TMEM132D: variants seen among roughly 807,000 people sequenced by gnomAD.
TMEM132D encodes the protein transmembrane protein 132D, also known as mature OL transmembrane protein.
TMEM132D carries 21 observed loss-of-function variants against 62.3 expected under a neutral mutation model. The observed-to-expected ratio is 0.34, with a 90% CI of 0.24 to 0.49. TMEM132D has a LOEUF of 0.49. Ranked by LOEUF, TMEM132D falls within the 20% of genes least tolerant of loss-of-function variation. The pLI is 0.99. For missense variants in TMEM132D, 1,346 were observed against 1,402.8 expected, an observed-to-expected ratio of 0.96 and a Z score of 0.65; for synonymous variants, 621 against 575.6, an observed-to-expected ratio of 1.08 and a Z score of -1.13.
intron 5 of TMEM132D, among the ~76,000 whole-genome samples, chr12:129,209,306 A>G (rs1285796495): frequency 6.6e-6 from 1 of 152,030 alleles, no homozygotes; most frequent in Non-Finnish European, 1.5e-5. Flanking sequence ...AGCCTCCCAG[A>G]CTCGGAGTCA....
At chr12:129,415,711 C>T (rs370796872) in intron 3 of TMEM132D, among the ~76,000 whole-genome samples, 2 of 152,184 alleles carry the variant, frequency 1.3e-5, no homozygotes. Context: ...TTGTCTATCT[C>T]GGTTTCCAGT....
chr12:129,216,179 T>C (rs1470456361), intron 4 of TMEM132D, among the ~76,000 whole-genome samples: 1 of 152,316 alleles, frequency 6.6e-6, no homozygotes, highest in East Asian at 1.9e-4. Flanking sequence ...AATGATGGTA[T>C]GTACCTCTTG....
At chr12:129,783,079 A>G (rs1871165526) in intron 1 of TMEM132D, among the ~76,000 whole-genome samples, 1 of 152,198 alleles carries the variant, frequency 6.6e-6, no homozygotes, top group African/African-American at 2.4e-5. Flanking sequence ...TCATAACATC[A>G]TTCTGCTTCT....
At chr12:129,176,246 C>A (rs561122750) in intron 5 of TMEM132D, among the ~76,000 whole-genome samples, 5 of 152,330 alleles carry the variant, frequency 3.3e-5, no homozygotes, top group African/African-American at 1.2e-4. Context: ...TGAGTGGTGG[C>A]AAAATCTCCC....
intron 2 of TMEM132D, among the ~76,000 whole-genome samples, chr12:129,534,037 T>C (rs534602425): frequency 6.6e-6 from 1 of 152,348 alleles, no homozygotes; most frequent in South Asian, 2.1e-4. Flanking sequence ...GTGGCACCAT[T>C]TGGAACCATT....
intron 3 of TMEM132D, among the ~76,000 whole-genome samples, chr12:129,465,257 T>C (rs189452649): frequency 6.6e-6 from 1 of 152,302 alleles, no homozygotes; most frequent in African/African-American, 2.4e-5. Context: ...CCCTTCATGC[T>C]AAAAACTCTT....
At chr12:129,613,413 T>G (rs1878829877) in intron 2 of TMEM132D, among the ~76,000 whole-genome samples, 1 of 152,146 alleles carries the variant, frequency 6.6e-6, no homozygotes, top group East Asian at 1.9e-4. Context: ...TGACAGACAC[T>G]CTCGTCTCAA....
intron 2 of TMEM132D, among the ~76,000 whole-genome samples, chr12:129,619,438 C>A (rs563272623): frequency 2.1e-4 from 32 of 152,178 alleles, no homozygotes; most frequent in African/African-American, 7.5e-4. Context: ...TGCCAATGAA[C>A]GACTTATGAC....
intron 2 of TMEM132D, among the ~76,000 whole-genome samples, chr12:129,605,327 A>G (rs1878586512): frequency 1.3e-5 from 2 of 152,036 alleles, no homozygotes; most frequent in African/African-American, 4.8e-5. Flanking sequence ...TGTCTAAAAG[A>G]TATATATACA....
intron 2 of TMEM132D, among the ~76,000 whole-genome samples, chr12:129,684,377 G>A (rs888497486): frequency 6.6e-6 from 1 of 152,098 alleles, no homozygotes; most frequent in Non-Finnish European, 1.5e-5. Flanking sequence ...GCCATCATGT[G>A]AAAGAAGACA....
At chr12:129,269,745 C>G (rs1257264314) in intron 4 of TMEM132D, among the ~76,000 whole-genome samples, 2 of 152,198 alleles carry the variant, frequency 1.3e-5, no homozygotes, top group Admixed American at 1.3e-4. Context: ...CTCCAGCTCA[C>G]TTGCATCCTG....
At chr12:129,555,869 G>A (rs975101535) in intron 2 of TMEM132D, among the ~76,000 whole-genome samples, 1 of 152,174 alleles carries the variant, frequency 6.6e-6, no homozygotes, top group Non-Finnish European at 1.5e-5. Context: ...TAAGTACAAA[G>A]ATTTTCTGAC....
chr12:129,470,383 G>A (rs1874058169), intron 3 of TMEM132D, among the ~76,000 whole-genome samples: 1 of 152,192 alleles, frequency 6.6e-6, no homozygotes, highest in Non-Finnish European at 1.5e-5. Flanking sequence ...GCCAACACGT[G>A]TAGTGTAGTT....
Position 129,321,684 on chromosome 12 carries a change from G to A in TMEM132D, c.1299+15950C>T, listed in dbSNP as rs542102653. On this transcript the variant is annotated intron_variant, in intron 4 of 8. Transcript: ENST00000422113. ...CCATTCTCCTGCTTCAGCCTCCCCC[G>A]ACTAGCTGGGACTACAGGCGCCCGC... Among the ~76,000 whole-genome samples the A allele has an allele frequency of 1.3e-3, 205 of 152,110 alleles. 2 individuals are homozygous for A. The highest frequency in any genetic ancestry group is 6.4e-3 in the South Asian group (31 of 4,822).
At chr12:129,612,192 A>G (rs61943550) in intron 2 of TMEM132D, among the ~76,000 whole-genome samples, 7,115 of 152,238 alleles carry the variant, frequency 0.047, 261 homozygotes, top group South Asian at 0.11. Context: ...AGTTCTCCCT[A>G]CACTGAGCAT....
intron 5 of TMEM132D, among the ~76,000 whole-genome samples, chr12:129,195,899 G>C (rs528161432): frequency 6.6e-6 from 1 of 152,170 alleles, no homozygotes; most frequent in Non-Finnish European, 1.5e-5. Context: ...GGCCAAGATG[G>C]GCGGGTCACT....
At chr12:129,861,049 A>G (rs565018781) in intron 1 of TMEM132D, among the ~76,000 whole-genome samples, 1 of 152,226 alleles carries the variant, frequency 6.6e-6, no homozygotes, top group Non-Finnish European at 1.5e-5. Context: ...AATTATTGGA[A>G]TCTCCTTCAC....
At chr12:129,368,588 T>A (rs1010550614) in intron 3 of TMEM132D, among the ~76,000 whole-genome samples, 4 of 152,126 alleles carry the variant, frequency 2.6e-5, no homozygotes, top group African/African-American at 9.7e-5. Flanking sequence ...TTATTATTAT[T>A]ATTTTTTTTA....
At chr12:129,686,747 T>G (rs1170923804) in intron 2 of TMEM132D, among the ~76,000 whole-genome samples, 1 of 152,212 alleles carries the variant, frequency 6.6e-6, no homozygotes, top group African/African-American at 2.4e-5. Context: ...CCAGTAACAC[T>G]ATTTATGTTC....
Sources: allele counts gnomAD v4.1 joint callset (sites outside exome capture counted in the v4.1 genomes callset), GRCh38; gene constraint gnomAD v4.1.1; transcripts MANE v1.5; gene names NCBI Gene and HGNC (gene_info 2026-07-23, HGNC 2026-07-21).